Variants in FBXW11 observed in about 807,000 individuals in gnomAD.
FBXW11 encodes F-box/WD repeat-containing protein 11.
A neutral mutation model predicts 77.6 loss-of-function variants in FBXW11; 19 were observed. The observed-to-expected ratio is 0.24, with a 90% CI of 0.17 to 0.36. The LOEUF (loss-of-function observed/expected upper bound fraction) is 0.36. FBXW11 is among the 10% of genes least tolerant of loss of function. The pLI is 1.00. For missense variants in FBXW11, 334 were observed against 704.2 expected, an observed-to-expected ratio of 0.47 and a Z score of 5.95; for synonymous variants, 235 against 249.4, an observed-to-expected ratio of 0.94 and a Z score of 0.54.
intron 7 of FBXW11, among the ~76,000 whole-genome samples, chr5:171,885,423 C>T (rs1758816504): frequency 6.6e-6 from 1 of 152,196 alleles, no homozygotes; most frequent in East Asian, 1.9e-4. Flanking sequence ...CCTACCCAGG[C>T]ACTGGTTCTC....
rs1159719332 is a variant in FBXW11, at chr5:171,863,906, T to C, written c.*221A>G. ...GGAAGGAAACGGGCTTCTGTTCTAC[T>C]TGAAGCCGGGGAAGCTAAGGTCTCC... On this transcript the variant is annotated 3_prime_UTR_variant, in exon 14 of 14. Transcript: ENST00000517395. 1 of 152,288 alleles carries C rather than the reference T, an allele frequency of 6.6e-6. No individual in the cohort carries two copies. Among genetic ancestry groups the C allele is most frequent in the East Asian group, 1.9e-4 (1 of 5,198 alleles). The allele number at this position is 152,288 out of a possible 1,614,324, so 9.4% of individuals were successfully genotyped here.
intron 13 of FBXW11, among the ~76,000 whole-genome samples, chr5:171,864,334 G>A (rs1251073421): frequency 1.3e-5 from 2 of 152,158 alleles, no homozygotes; most frequent in Non-Finnish European, 2.9e-5. Context: ...ACAAATAAGA[G>A]AACTAAGGCT....
rs1222618333 is a variant in FBXW11 at position 171,868,751 on chromosome 5, T to C, written c.1576A>G (p.Ile526Val). The C allele has an allele frequency of 3.1e-6, 5 of 1,613,844 alleles. No homozygotes were observed. The highest frequency in any genetic ancestry group is 2.2e-5 in the East Asian group (1 of 44,892). ...VFRLQFDEFQ[I>V]ISSSHDDTIL... ...GTGTCATCATGGGAGCTGCTGATGA[T>C]CTGAAACTCATCAAACTGGAGCCGA... Residue 526 changes from isoleucine (I) to valine (V), a missense_variant, in exon 13 of 14, where the codon ATC becomes GTC. Ile to Val is a conservative substitution (Grantham distance 29). Coordinates refer to ENST00000517395, the MANE Select transcript of FBXW11 (RefSeq NM_001378974.1).
At chr5:172,003,390 A>G (rs1351789401) in intron 1 of FBXW11, 2 of 152,218 alleles carry the variant, frequency 1.3e-5, no homozygotes, top group East Asian at 1.9e-4. Flanking sequence ...ATTCTTCCCA[A>G]TGAAGTCCAT....
chr5:171,907,001 G>A (rs998193098), intron 4 of FBXW11, among the ~76,000 whole-genome samples: 1 of 152,084 alleles, frequency 6.6e-6, no homozygotes, highest in Admixed American at 6.6e-5. Context: ...TCAACAAACC[G>A]ATCACCAATG....
intron 1 of FBXW11, among the ~76,000 whole-genome samples, chr5:171,994,441 G>A (rs942856318): frequency 3.3e-5 from 5 of 152,104 alleles, no homozygotes; most frequent in Admixed American, 2.0e-4. Flanking sequence ...GAGTGCCAAC[G>A]TGATGCTCAA....
intron 7 of FBXW11, among the ~76,000 whole-genome samples, 153 bp from the exon 8 acceptor site, chr5:171,878,282 G>T (rs73329805): frequency 6.6e-6 from 1 of 152,310 alleles, no homozygotes; most frequent in African/African-American, 2.4e-5. Context: ...GAAATGACAA[G>T]AAGGAATACA....
At chr5:171,969,307 C>G (rs1237440491) in intron 1 of FBXW11, among the ~76,000 whole-genome samples, 2 of 152,118 alleles carry the variant, frequency 1.3e-5, no homozygotes, top group African/African-American at 2.4e-5. Flanking sequence ...GAAGGGAAAA[C>G]TTTTTCTCCT....
chr5:171,888,767 T>C (rs1412511697), intron 7 of FBXW11, among the ~76,000 whole-genome samples: 4 of 152,228 alleles, frequency 2.6e-5, no homozygotes, highest in Non-Finnish European at 5.9e-5. Context: ...GTTAAAGATG[T>C]TAAGCACCTA....
intron 3 of FBXW11, 79 bp downstream of exon 3, chr5:171,914,263 TC>T (rs1761081617): frequency 8.3e-7 from 1 of 1,199,022 alleles, no homozygotes; most frequent in African/African-American, 1.6e-5. Context: ...GGCTCTTGAT[TC>T]CACTGAGGAC....
intron 1 of FBXW11, among the ~76,000 whole-genome samples, chr5:172,003,841 G>T (rs949531018): frequency 6.6e-6 from 1 of 152,198 alleles, no homozygotes; most frequent in Non-Finnish European, 1.5e-5. Flanking sequence ...ATTAGAAAAT[G>T]GAGATAACCA....
At chr5:171,984,007 T>A (rs1475078769) in intron 1 of FBXW11, among the ~76,000 whole-genome samples, 2 of 151,478 alleles carry the variant, frequency 1.3e-5, no homozygotes, top group East Asian at 3.9e-4. Context: ...CAGCCACACA[T>A]AATAAAACGG....
Position 171,876,632 on chromosome 5 carries a change from T to C in FBXW11, c.972-98A>G, listed in dbSNP as rs1215700649. The C allele has an allele frequency of 1.7e-5, 24 of 1,452,472 alleles. No individual in the cohort carries two copies. The highest frequency in any genetic ancestry group is 9.3e-5 in the East Asian group (4 of 43,024). The allele number at this position is 1,452,472 out of a possible 1,614,324, so 90.0% of individuals were successfully genotyped here. A position where few individuals can be genotyped will look rare whatever the true frequency, so the allele number is the denominator to read the frequency against. ...GTCTGGGTCTGCAATGGTTTGGATA[T>C]AGTTTGTCTGACTCTACCAAATCTC... On this transcript the variant is annotated intron_variant, in intron 8 of 13. Coordinates refer to ENST00000517395, the MANE Select transcript of FBXW11 (RefSeq NM_001378974.1). This position sits in a 1 kb window ranked among gnomAD's most constrained non-coding sequence, Gnocchi z 4.2.
chr5:171,964,197 C>T (rs1031611306), intron 1 of FBXW11, among the ~76,000 whole-genome samples: 1 of 152,200 alleles, frequency 6.6e-6, no homozygotes, highest in Admixed American at 6.5e-5. Flanking sequence ...CCAGCACTTA[C>T]CAACTTTCAT....
At chr5:171,936,777 A>G (rs1226661957) in intron 2 of FBXW11, among the ~76,000 whole-genome samples, 1 of 152,176 alleles carries the variant, frequency 6.6e-6, no homozygotes, top group Non-Finnish European at 1.5e-5. Context: ...CTGTTTACAC[A>G]GACTAAACTT....
At chr5:171,991,686 A>G (rs1224156201) in intron 1 of FBXW11, among the ~76,000 whole-genome samples, 4 of 152,244 alleles carry the variant, frequency 2.6e-5, no homozygotes, top group African/African-American at 9.6e-5. Context: ...ATAAATGTAC[A>G]TAAGATACGT....
intron 4 of FBXW11, among the ~76,000 whole-genome samples, chr5:171,906,729 TAA>T (rs1409378900): frequency 1.3e-5 from 2 of 152,182 alleles, no homozygotes; most frequent in Non-Finnish European, 2.9e-5. Context: ...CACACAGCTG[TAA>T]AGTGTAAGGG....
chr5:171,959,985 C>G (rs1424751437), intron 1 of FBXW11, among the ~76,000 whole-genome samples: 1 of 152,150 alleles, frequency 6.6e-6, no homozygotes, highest in Non-Finnish European at 1.5e-5. Flanking sequence ...TCCACTACAA[C>G]AAACACTCTC....
At chr5:171,977,309 C>CAAAA (rs58800740) in intron 1 of FBXW11, among the ~76,000 whole-genome samples, 2 of 62,640 alleles carry the variant, frequency 3.2e-5, no homozygotes, top group Admixed American at 1.9e-4. Context: ...GACCATGTCT[C>CAAAA]AAAAAAAAAA....
Sources: allele counts gnomAD v4.1 joint callset (sites outside exome capture counted in the v4.1 genomes callset), GRCh38; gene constraint gnomAD v4.1.1; non-coding constraint Gnocchi (gnomAD v3.1); transcripts MANE v1.5; gene names NCBI Gene and HGNC (gene_info 2026-07-23, HGNC 2026-07-21).